ENAM: variants seen among roughly 807,000 people sequenced by gnomAD.
The protein encoded by ENAM is amelogenesis imperfecta 2, hypocalcification (autosomal dominant).
Under a neutral mutation model 33.6 loss-of-function variants are expected in ENAM, and 21 were observed. The observed-to-expected ratio is 0.63, with a 90% CI of 0.44 to 0.90. The LOEUF (loss-of-function observed/expected upper bound fraction) is 0.90. Among genes scored for constraint, ENAM ranks in the 40% least tolerant of loss-of-function variants. ENAM has a pLI of 0.00. For missense variants in ENAM, 1,388 were observed against 1,366.9 expected, an observed-to-expected ratio of 1.02 and a Z score of -0.24; for synonymous variants, 473 against 468.4, an observed-to-expected ratio of 1.01 and a Z score of -0.13.
rs773145958 is a variant in ENAM, at chr4:70,643,019, A to G, written c.1593A>G (p.Ser531=). ...VLGSRRMPYE[S]ETNQSELKHS... is the part of the protein sequence containing the mutation. The stretch of plus-strand genomic sequence containing the variant: ...GGTCAAGAAGGATGCCATATGAATC[A>G]GAAACTAATCAGTCAGAATTAAAGC... Residue 531 remains serine (S), a synonymous_variant, in exon 9 of 9, where the codon TCA becomes TCG. Coordinates refer to ENST00000396073, the MANE Select transcript of ENAM (RefSeq NM_031889.3). 1 of 1,614,166 alleles carries G rather than the reference A, an allele frequency of 6.2e-7. No individual in the cohort carries two copies. The highest frequency in any genetic ancestry group is 1.7e-5 in the Admixed American group (1 of 60,026).
chr4:70,642,551 A>G lies in ENAM; in HGVS notation c.1125A>G (p.Gly375=), dbSNP rs1235174127. 1 of 1,613,996 alleles carries G rather than the reference A, an allele frequency of 6.2e-7. No homozygotes were observed. Among genetic ancestry groups the G allele is most frequent in the Admixed American group, 1.7e-5 (1 of 59,998 alleles). The change falls in exon 9 of 9, where the codon GGA becomes GGG. Residue 375 remains glycine (G), a synonymous_variant. Coordinates refer to ENST00000396073, the MANE Select transcript of ENAM (RefSeq NM_031889.3). ...AWERKQVARP[G]NPVYHKAYPP... ...AACGTAAACAAGTAGCTCGTCCAGGAAATCCAGTTTATCACAAAGCTTACC... is the reference window on the plus strand; with the variant it reads ...AACGTAAACAAGTAGCTCGTCCAGGGAATCCAGTTTATCACAAAGCTTACC...
intron 8 of ENAM, 51 bp from the exon 9 acceptor site, chr4:70,641,964 C>G: frequency 7.2e-7 from 1 of 1,387,596 alleles, no homozygotes; most frequent in Non-Finnish European, 1.0e-6. Flanking sequence ...CCAAACAACA[C>G]CATGGTGGGA....
At position 70,631,647 on chromosome 4, in the gene ENAM, TAAA is replaced by T; in HGVS notation, c.55-20_55-18del. 1 of 1,572,988 alleles carries T rather than the reference TAAA, an allele frequency of 6.4e-7. No individual in the cohort carries two copies. The highest frequency in any genetic ancestry group is 8.8e-7 in the Non-Finnish European group (1 of 1,142,848). ...GCATACTTATTTCACAGACCAAAAA[TAAA>T]AATCAATTTTTTATTCTAGGTACCA... On this transcript the variant is annotated intron_variant, in intron 2 of 8. Transcript: ENST00000396073.
chr4:70,629,142 T>C (rs951490803), intron 1 of ENAM, among the ~76,000 whole-genome samples, 178 bp downstream of exon 1: 1 of 152,150 alleles, frequency 6.6e-6, no homozygotes, highest in South Asian at 2.1e-4. Flanking sequence ...TATTTGTTTT[T>C]CTTGTAAGTT....
chr4:70,641,769 C>T (rs996780563), intron 8 of ENAM, among the ~76,000 whole-genome samples: 1 of 151,998 alleles, frequency 6.6e-6, no homozygotes, highest in East Asian at 1.9e-4. Flanking sequence ...AACAAAAACC[C>T]TCAGATGTAT....
Position 70,634,432 on chromosome 4 carries a change from GT to G in ENAM, c.336del (p.His113IlefsTer27). The G allele has an allele frequency of 6.2e-7, 1 of 1,614,016 alleles. No individual in the cohort carries two copies. The highest frequency in any genetic ancestry group is 8.5e-7 in the Non-Finnish European group (1 of 1,180,006). On this transcript the variant is annotated frameshift_variant, in exon 6 of 9. Transcript: ENST00000396073. LOFTEE classifies it high-confidence loss of function. ...CCACGGAAATCCTCAGCACCCAAACGTCATAACAAGACTGATCAGACCCAAG... is the reference window on the plus strand; with the variant it reads ...CCACGGAAATCCTCAGCACCCAAACGCATAACAAGACTGATCAGACCCAAG... ...WHPRKSSAPKRHNKTDQTQET... is the reference protein window; with the variant it reads ...WHPRKSSAPKXHNKTDQTQET...
At position 70,644,195 on chromosome 4, in the gene ENAM, C is replaced by G. The variant is rs1293482859; in HGVS notation, c.2769C>G (p.Ile923Met). The G allele has an allele frequency of 6.2e-7, 1 of 1,614,096 alleles. No homozygotes were observed. The highest frequency in any genetic ancestry group is 1.7e-5 in the Admixed American group (1 of 60,022). The change falls in exon 9 of 9, where the codon ATC (isoleucine) becomes ATG (methionine). Residue 923 changes from isoleucine to methionine, a missense_variant. Coordinates refer to ENST00000396073, the MANE Select transcript of ENAM (RefSeq NM_031889.3). Reference sequence around the variant, plus strand: ...ATACCAAGCAGACAAGAGATATCATCTCCCCAACAAGCATCCTACCAGGCC... The same window carrying G: ...ATACCAAGCAGACAAGAGATATCATGTCCCCAACAAGCATCCTACCAGGCC... Reference protein sequence around the residue: ...GSHTKQTRDIISPTSILPGQR... With the variant: ...GSHTKQTRDIMSPTSILPGQR...
Position 70,643,259 on chromosome 4 carries a change from C to T in ENAM, c.1833C>T (p.Asn611=), listed in dbSNP as rs766709421. 6.2e-7 allele frequency: 1 copy of T among 1,614,004 alleles called. No individual in the cohort carries two copies. Among genetic ancestry groups the T allele is most frequent in the Non-Finnish European group, 8.5e-7 (1 of 1,179,980 alleles). ...ATAACCCATATGATCCCAGGGAAAA[C>T]TCACCATACCTTAGAGGCAATACAT... ...PEYNPYDPRE[N]SPYLRGNTWD... is the part of the protein sequence containing the mutation. The change falls in exon 9 of 9, where the codon AAC becomes AAT. Residue 611 remains asparagine, a synonymous_variant. Coordinates refer to ENST00000396073, the MANE Select transcript of ENAM (RefSeq NM_031889.3).
rs745482726 is a variant in ENAM at position 70,642,238 on chromosome 4, G to C, written c.812G>C (p.Gly271Ala). ...GGAGGAAATGACACCAGCCCCACAGGAAACAGTACCCCAGGACTAAACACT... is the reference window on the plus strand; with the variant it reads ...GGAGGAAATGACACCAGCCCCACAGCAAACAGTACCCCAGGACTAAACACT... ...SQGGNDTSPT[G>A]NSTPGLNTGN... The change falls in exon 9 of 9, where the codon GGA becomes GCA. Residue 271 changes from glycine (G) to alanine (A), a missense_variant. Gly to Ala is a moderately conservative substitution (Grantham distance 60, BLOSUM62 0). Coordinates refer to ENST00000396073, the MANE Select transcript of ENAM (RefSeq NM_031889.3). 1 of 1,614,044 alleles carries C rather than the reference G, an allele frequency of 6.2e-7. No individual in the cohort carries two copies. Among genetic ancestry groups the C allele is most frequent in the Admixed American group, 1.7e-5 (1 of 60,008 alleles).
chr4:70,629,794 G>C (rs529404569), intron 2 of ENAM, among the ~76,000 whole-genome samples: 4 of 152,146 alleles, frequency 2.6e-5, no homozygotes, highest in Non-Finnish European at 5.9e-5. Context: ...AACTTTTAGA[G>C]ATGGAAGGGA....
In ENAM at chr4:70,643,286, G is replaced by A; in HGVS notation, c.1860G>A (p.Trp620Ter). ...CACCATACCTTAGAGGCAATACATG[G>A]GATGAGAGAGATGATTCTCCCAATA... is the stretch of plus-strand genomic sequence containing the variant. ...ENSPYLRGNTWDERDDSPNTM... is the reference protein window; with the variant it reads ...ENSPYLRGNT Residue 620 changes from tryptophan (W) to a stop codon, truncating the protein, a stop_gained, in exon 9 of 9, where the codon TGG becomes TGA. Coordinates refer to ENST00000396073, the MANE Select transcript of ENAM (RefSeq NM_031889.3). LOFTEE classifies it low-confidence loss of function (END_TRUNC). 6.2e-7 allele frequency: 1 copy of A among 1,613,932 alleles called. No homozygotes were observed.
At chr4:70,638,764 A>G (rs1353415369) in intron 8 of ENAM, among the ~76,000 whole-genome samples, 2 of 148,944 alleles carry the variant, frequency 1.3e-5, no homozygotes, top group Admixed American at 6.7e-5. Context: ...ATGACTGCCA[A>G]TTTCTTATCT....
chr4:70,638,685 GC>G (rs1560402534), intron 8 of ENAM, among the ~76,000 whole-genome samples: 1 of 151,520 alleles, frequency 6.6e-6, no homozygotes, highest in Non-Finnish European at 1.5e-5. Context: ...TCTATTATTA[GC>G]ATGGCAGCCA....
chr4:70,631,069 A>G (rs1269633539), intron 2 of ENAM, among the ~76,000 whole-genome samples: 2 of 152,108 alleles, frequency 1.3e-5, no homozygotes, highest in African/African-American at 4.8e-5. Context: ...GGAAGTGATG[A>G]TGATGATAAT....
rs1738693006 is a variant in ENAM at position 70,644,167 on chromosome 4, G to A, written c.2741G>A (p.Ser914Asn). 1 of 1,614,126 alleles carries A rather than the reference G, an allele frequency of 6.2e-7. No homozygotes were observed. Among genetic ancestry groups the A allele is most frequent in the Non-Finnish European group, 8.5e-7 (1 of 1,180,006 alleles). The stretch of plus-strand genomic sequence containing the variant: ...ACCAGTCCTCTGTATACAGACGGTA[G>A]TCATACCAAGCAGACAAGAGATATC... The part of the protein sequence containing the change: ...QDTSPLYTDG[S>N]HTKQTRDIIS... The change falls in exon 9 of 9, where the codon AGT becomes AAT. Residue 914 changes from serine (S) to asparagine (N), a missense_variant. By Grantham distance (46) the Ser-to-Asn change is conservative. Coordinates refer to ENST00000396073, the MANE Select transcript of ENAM (RefSeq NM_031889.3).
intron 8 of ENAM, among the ~76,000 whole-genome samples, chr4:70,638,159 C>T (rs1011005358): frequency 4.6e-5 from 7 of 152,144 alleles, no homozygotes; most frequent in African/African-American, 1.4e-4. Context: ...TCAATTACTA[C>T]TCAATTTCAC....
intron 6 of ENAM, among the ~76,000 whole-genome samples, chr4:70,634,924 T>C (rs966736499): frequency 1.2e-4 from 19 of 152,204 alleles, no homozygotes; most frequent in Non-Finnish European, 2.5e-4. Context: ...TCCCCATGAG[T>C]AAACTAAATA....
chr4:70,643,228 C>T lies in ENAM; in HGVS notation c.1802C>T (p.Pro601Leu). The T allele has an allele frequency of 2.5e-6, 4 of 1,613,726 alleles. No individual in the cohort carries two copies. The highest frequency in any genetic ancestry group is 3.4e-6 in the Non-Finnish European group (4 of 1,179,950). Reference protein sequence around the residue: ...SHGSRGSVFYPEYNPYDPREN... With the variant: ...SHGSRGSVFYLEYNPYDPREN... The stretch of plus-strand genomic sequence containing the variant: ...GGTTCTAGAGGAAGTGTTTTCTACC[C>T]TGAATATAACCCATATGATCCCAGG... The change falls in exon 9 of 9, where the codon CCT (proline) becomes CTT (leucine). Residue 601 changes from proline to leucine, a missense_variant. Transcript: ENST00000396073.
At position 70,645,224 on chromosome 4, in the gene ENAM, TTCCA is replaced by T; in HGVS notation, c.*371_*374del. 1 of 419,974 alleles carries T rather than the reference TTCCA, an allele frequency of 2.4e-6. No individual in the cohort carries two copies. The allele number at this position is 419,974 out of a possible 1,614,324, so 26.0% of individuals were successfully genotyped here. A position where few individuals can be genotyped will look rare whatever the true frequency, so the allele number is the denominator to read the frequency against. ...TTCAAGACTGAAAGGCAGATTAACTTTCCATTCTACTTATGGAGATCCACACATC... is the reference window on the plus strand; with the variant it reads ...TTCAAGACTGAAAGGCAGATTAACTTTTCTACTTATGGAGATCCACACATC... On this transcript the variant is annotated 3_prime_UTR_variant, in exon 9 of 9. Coordinates refer to ENST00000396073, the MANE Select transcript of ENAM (RefSeq NM_031889.3).
Sources: gnomAD v4.1 joint callset for allele counts (sites outside exome capture counted in the v4.1 genomes callset) on GRCh38, gnomAD v4.1.1 for gene constraint, MANE v1.5 for transcripts, NCBI Gene and HGNC (gene_info 2026-07-23, HGNC 2026-07-21) for gene names.